The following RBFOX1 variants were observed in gnomAD, a reference collection of about 807,000 sequenced individuals.
RBFOX1 encodes the protein RNA binding fox-1 homolog 1.
Under a neutral mutation model 57.7 loss-of-function variants are expected in RBFOX1, and 8 were observed. That is an observed-to-expected ratio of 0.14 (90% CI 0.08 to 0.25). The LOEUF (loss-of-function observed/expected upper bound fraction) is 0.25, where lower values mean the gene tolerates loss of function less well. Among genes scored for constraint, RBFOX1 ranks in the 10% least tolerant of loss-of-function variants. The probability of loss-of-function intolerance (pLI) is 1.00; values close to 1 mark genes in which losing one functional copy is unlikely to be tolerated. For missense variants in RBFOX1, 611 were observed against 548.5 expected, an observed-to-expected ratio of 1.11 and a Z score of -1.14; for synonymous variants, 326 against 222.4, an observed-to-expected ratio of 1.47 and a Z score of -4.15.
At chr16:5,474,030 A>C (rs2151627625) in intron 2 of RBFOX1, among the ~76,000 whole-genome samples, 1 of 152,120 alleles carries the variant, frequency 6.6e-6, no homozygotes, top group Non-Finnish European at 1.5e-5. Flanking sequence ...GTGTGAATGG[A>C]TGGAAGTAAG....
intron 3 of RBFOX1, among the ~76,000 whole-genome samples, chr16:5,635,388 C>G (rs958178314): frequency 6.6e-6 from 1 of 152,180 alleles, no homozygotes; most frequent in Admixed American, 6.5e-5. Context: ...AGAGTAATGG[C>G]ATATGTTGTG....
chr16:6,265,680 G>T (rs2074392777), intron 1 of RBFOX1, among the ~76,000 whole-genome samples: 1 of 152,178 alleles, frequency 6.6e-6, no homozygotes, highest in South Asian at 2.1e-4. Flanking sequence ...CACCAAATTA[G>T]CTTTGGTGCA....
At chr16:7,472,327 G>A (rs1163053524) in intron 4 of RBFOX1, among the ~76,000 whole-genome samples, 1 of 151,116 alleles carries the variant, frequency 6.6e-6, no homozygotes, top group Admixed American at 6.6e-5. Context: ...TAGTAATTTG[G>A]AGGAGGGGAT....
At chr16:7,018,401 G>T (rs1022922649) in intron 3 of RBFOX1, among the ~76,000 whole-genome samples, 4 of 152,140 alleles carry the variant, frequency 2.6e-5, no homozygotes, top group Non-Finnish European at 4.4e-5. Flanking sequence ...ATGCATAATT[G>T]TGTGTGCGTG....
chr16:7,529,079 T>G (rs1015191053), intron 5 of RBFOX1, among the ~76,000 whole-genome samples: 15 of 152,110 alleles, frequency 9.9e-5, no homozygotes, highest in Non-Finnish European at 4.4e-5. Flanking sequence ...GTCAACATGG[T>G]GAAACCCTGT....
At chr16:6,932,313 G>T (rs144216185) in intron 3 of RBFOX1, among the ~76,000 whole-genome samples, 1 of 152,040 alleles carries the variant, frequency 6.6e-6, no homozygotes, top group South Asian at 2.1e-4. Flanking sequence ...CACCCTGTTG[G>T]CCAAGCTGGT....
chr16:5,745,232 G>T (rs151051878), intron 3 of RBFOX1, among the ~76,000 whole-genome samples: 5,145 of 152,198 alleles, frequency 0.034, 296 homozygotes, highest in African/African-American at 0.12. Context: ...TGAGAATGAT[G>T]GTTTCCAGCT....
At chr16:7,381,544 G>C (rs1413581654) in intron 4 of RBFOX1, among the ~76,000 whole-genome samples, 2 of 151,252 alleles carry the variant, frequency 1.3e-5, no homozygotes, top group African/African-American at 4.9e-5. Flanking sequence ...ACAGTGTTCT[G>C]TTGCATGAAT....
At chr16:6,770,338 A>C (rs779227860) in intron 3 of RBFOX1, among the ~76,000 whole-genome samples, 1 of 152,168 alleles carries the variant, frequency 6.6e-6, no homozygotes, top group Non-Finnish European at 1.5e-5. Context: ...ATTTAATGCA[A>C]CAGGGCAGGG....
chr16:6,068,028 T>C (rs2095789543), intron 1 of RBFOX1, among the ~76,000 whole-genome samples: 1 of 152,208 alleles, frequency 6.6e-6, no homozygotes, highest in Non-Finnish European at 1.5e-5. Context: ...CAAGATTTCC[T>C]CGATTTTCTT....
At chr16:7,622,558 T>G (rs2059468570) in intron 10 of RBFOX1, among the ~76,000 whole-genome samples, 1 of 152,142 alleles carries the variant, frequency 6.6e-6, no homozygotes, top group African/African-American at 2.4e-5. Context: ...CTTGTGACTT[T>G]TCCAAAAAGT....
intron 4 of RBFOX1, among the ~76,000 whole-genome samples, chr16:7,382,268 A>C (rs1054711907): frequency 2.0e-5 from 3 of 152,220 alleles, no homozygotes; most frequent in African/African-American, 7.2e-5. Flanking sequence ...AAATATTTTA[A>C]CAGTTGAGAT....
chr16:7,675,150 C>T (rs1448090785), intron 13 of RBFOX1, among the ~76,000 whole-genome samples: 1 of 152,184 alleles, frequency 6.6e-6, no homozygotes, highest in Admixed American at 6.5e-5. Flanking sequence ...CTGTATCTTT[C>T]TGTGAACTTT....
At chr16:5,512,783 A>G (rs2043650518) in intron 2 of RBFOX1, among the ~76,000 whole-genome samples, 1 of 152,180 alleles carries the variant, frequency 6.6e-6, no homozygotes, top group African/African-American at 2.4e-5. Flanking sequence ...GTTATTACCT[A>G]AAGTCCACAC....
chr16:5,544,951 C>CTTTTTTTTTTTTTTTTTTTTTTTTTTTTT (rs59873374), intron 2 of RBFOX1, among the ~76,000 whole-genome samples: 5 of 124,360 alleles, frequency 4.0e-5, no homozygotes, highest in African/African-American at 1.0e-4. Flanking sequence ...CTATTACATT[C>CTTTTTTTTTTTTTTTTTTTTTTTTTTTTT]TTTTTTTTTT....
chr16:5,766,280 T>C (rs995469350), intron 3 of RBFOX1, among the ~76,000 whole-genome samples: 5 of 152,068 alleles, frequency 3.3e-5, no homozygotes, highest in African/African-American at 1.2e-4. Context: ...GGAGGAGGTA[T>C]CATGCACTTT....
intron 4 of RBFOX1, among the ~76,000 whole-genome samples, chr16:7,145,942 G>C (rs538517187): frequency 6.6e-6 from 1 of 152,092 alleles, no homozygotes; most frequent in Admixed American, 6.5e-5. Context: ...GTGGACAGGT[G>C]CACCCTCCTT....
At chr16:7,308,844 A>G (rs1003636631) in intron 4 of RBFOX1, among the ~76,000 whole-genome samples, 2 of 152,370 alleles carry the variant, frequency 1.3e-5, no homozygotes, top group East Asian at 3.9e-4. Flanking sequence ...TAGGTAGGTC[A>G]TAACAATTAT....
intron 3 of RBFOX1, among the ~76,000 whole-genome samples, chr16:5,706,011 A>C (rs2151492645): frequency 6.6e-6 from 1 of 152,234 alleles, no homozygotes; most frequent in African/African-American, 2.4e-5. Context: ...CCCAGGTTCA[A>C]GCAATTCTCT....
Sources: allele counts gnomAD v4.1 joint callset (sites outside exome capture counted in the v4.1 genomes callset), GRCh38; gene constraint gnomAD v4.1.1; transcripts MANE v1.5; gene names NCBI Gene and HGNC (gene_info 2026-07-23, HGNC 2026-07-21).